The following PCDHA7 variants were observed in gnomAD, a reference collection of about 807,000 sequenced individuals.
PCDHA7 encodes the protein protocadherin alpha 7.
Under a neutral mutation model 57.2 loss-of-function variants are expected in PCDHA7, and 37 were observed. That is an observed-to-expected ratio of 0.65 (90% CI 0.50 to 0.85). The LOEUF (loss-of-function observed/expected upper bound fraction) is 0.85. Ranked by LOEUF, PCDHA7 falls within the 40% of genes least tolerant of loss-of-function variation. The pLI is 0.00. For synonymous variants in PCDHA7, 553 were observed against 558.8 expected (o/e 0.99, Z 0.15); for missense variants, 1,188 against 1,241.8 (o/e 0.96, Z 0.65).
chr5:140,897,722 T>A (rs1236534951), intron 1 of PCDHA7, among the ~76,000 whole-genome samples: 1 of 152,162 alleles, frequency 6.6e-6, no homozygotes, highest in African/African-American at 2.4e-5. Flanking sequence ...GATGGCTGGG[T>A]CAAATAGTAT....
intron 1 of PCDHA7, chr5:140,850,022 A>C: frequency 6.3e-7 from 1 of 1,596,794 alleles, no homozygotes; most frequent in Admixed American, 1.7e-5. Context: ...GCTACGTGTC[A>C]GTGCACGCGG....
chr5:140,957,407 A>G lies in PCDHA7; in HGVS notation c.2356-21542A>G, dbSNP rs570373783. On this transcript the variant is annotated intron_variant, in intron 1 of 3. Coordinates refer to ENST00000525929, the MANE Select transcript of PCDHA7 (RefSeq NM_018910.3). ...GTTATAATTGTCCTAATTTATTATT[A>G]TTGTTGTTAATCTTTTACTGTGCCT... Among the ~76,000 whole-genome samples, 13 of 152,274 alleles carry G rather than the reference A, an allele frequency of 8.5e-5. No homozygotes were observed. The South Asian group carries it at 2.7e-3, about 32-fold the overall frequency.
chr5:140,931,161 C>G (rs1214685588), intron 1 of PCDHA7, among the ~76,000 whole-genome samples: 5 of 152,132 alleles, frequency 3.3e-5, no homozygotes, highest in African/African-American at 1.2e-4. Flanking sequence ...AATAGAATCT[C>G]AGTTAATTTT....
Position 140,836,076 on chromosome 5 carries a change from C to A in PCDHA7, c.1693C>A (p.Leu565Met), listed in dbSNP as rs1387042597. The change falls in exon 1 of 4, where the codon CTG becomes ATG. Residue 565 changes from leucine (L) to methionine (M), a missense_variant. Coordinates refer to ENST00000525929, the MANE Select transcript of PCDHA7 (RefSeq NM_018910.3). ...GGACGAGAACGACAACGCGCCGGCA[C>A]TGCTGGCGCCTCGGGTGGGTGGCAC... ...VLDENDNAPA[L>M]LAPRVGGTGG... 9 of 1,613,592 alleles carry A rather than the reference C, an allele frequency of 5.6e-6. No individual in the cohort carries two copies. The highest frequency in any genetic ancestry group is 7.6e-6 in the Non-Finnish European group (9 of 1,179,790).
intron 1 of PCDHA7, among the ~76,000 whole-genome samples, chr5:140,964,683 G>T (rs2095848322): frequency 6.6e-6 from 1 of 151,914 alleles, no homozygotes; most frequent in South Asian, 2.1e-4. Flanking sequence ...CACAATTTGT[G>T]CACTTGAGAG....
rs182574783 is a variant in PCDHA7, at chr5:140,952,922, G to A, written c.2356-26027G>A. Among the ~76,000 whole-genome samples the A allele has an allele frequency of 2.3e-3, 351 of 152,216 alleles. 2 individuals carry two copies. Among genetic ancestry groups the A allele is most frequent in the Admixed American group, 5.6e-3 (85 of 15,264 alleles). Reference sequence around the variant, plus strand: ...ATCAAGCTCATCTTACATGGCATGAGCAGGAGCAGGAGCAAGAGAGAGAGA... The same window carrying A: ...ATCAAGCTCATCTTACATGGCATGAACAGGAGCAGGAGCAAGAGAGAGAGA... On this transcript the variant is annotated intron_variant, in intron 1 of 3. Transcript: ENST00000525929.
intron 1 of PCDHA7, chr5:140,851,016 A>T: frequency 7.0e-7 from 1 of 1,434,004 alleles, no homozygotes; most frequent in East Asian, 2.4e-5. Flanking sequence ...TTTTTTTCTG[A>T]TAAAGTAAAC....
intron 1 of PCDHA7, among the ~76,000 whole-genome samples, chr5:140,874,080 C>A (rs2054679872): frequency 6.6e-6 from 1 of 152,142 alleles, no homozygotes; most frequent in South Asian, 2.1e-4. Flanking sequence ...CTGATGACAT[C>A]AAAATTCAAA....
chr5:140,883,320 C>T, intron 1 of PCDHA7: 1 of 1,614,112 alleles, frequency 6.2e-7, no homozygotes, highest in Non-Finnish European at 8.5e-7. Flanking sequence ...CCAGAGGTTA[C>T]CATCACTTCT....
intron 1 of PCDHA7, chr5:140,926,622 G>A: frequency 2.5e-6 from 1 of 396,424 alleles, no homozygotes. Context: ...CCCCTAGGCG[G>A]CGCTGCGCTC....
chr5:140,947,100 T>C (rs782585215), intron 1 of PCDHA7, among the ~76,000 whole-genome samples: 16 of 151,438 alleles, frequency 1.1e-4, no homozygotes, highest in Non-Finnish European at 2.1e-4. Context: ...AGCCCATAAA[T>C]AGGTACGTGT....
chr5:140,958,422 C>A (rs1436234763), intron 1 of PCDHA7, among the ~76,000 whole-genome samples: 1 of 152,120 alleles, frequency 6.6e-6, no homozygotes, highest in African/African-American at 2.4e-5. Context: ...TGGAAAGAAG[C>A]ACTTTTTATA....
intron 1 of PCDHA7, among the ~76,000 whole-genome samples, chr5:140,957,527 T>C (rs1441282290): frequency 6.6e-6 from 1 of 152,138 alleles, no homozygotes; most frequent in African/African-American, 2.4e-5. Context: ...AGACATTCAG[T>C]GGGGATCTTA....
At chr5:140,901,033 T>C (rs2153472378) in intron 1 of PCDHA7, among the ~76,000 whole-genome samples, 1 of 152,364 alleles carries the variant, frequency 6.6e-6, no homozygotes, top group South Asian at 2.1e-4. Flanking sequence ...TTCAACTCTT[T>C]TGCCCATTTT....
chr5:140,927,071 G>A lies in PCDHA7; in HGVS notation c.2356-51878G>A. 3 of 1,611,088 alleles carry A rather than the reference G, an allele frequency of 1.9e-6. No homozygotes were observed. The highest frequency in any genetic ancestry group is 2.5e-6 in the Non-Finnish European group (3 of 1,177,862). On this transcript the variant is annotated intron_variant, in intron 1 of 3. Transcript: ENST00000525929. ...TCGCGGAACTTTCGCTTCCTTTCCAGCCACCGCGAGCTCTACTTCGGGGTG... is the reference window on the plus strand; with the variant it reads ...TCGCGGAACTTTCGCTTCCTTTCCAACCACCGCGAGCTCTACTTCGGGGTG...
rs2044359336 is a variant in PCDHA7 at position 140,857,099 on chromosome 5, G to A, written c.2355+20361G>A. On this transcript the variant is annotated intron_variant, in intron 1 of 3. Transcript: ENST00000525929. ...AAATGATAATTCACCTGAGGTGATT[G>A]TCACTTCTCTGTCTCTCCCAGTGAA... 2 of 1,597,238 alleles carry A rather than the reference G, an allele frequency of 1.3e-6. No homozygotes were observed. The highest frequency in any genetic ancestry group is 3.4e-5 in the Admixed American group (2 of 59,246).
At chr5:140,850,300 G>T in intron 1 of PCDHA7, 2 of 1,596,680 alleles carry the variant, frequency 1.3e-6, no homozygotes, top group Non-Finnish European at 1.7e-6. Context: ...GCCGACTCGG[G>T]CTACAACGCG....
At chr5:140,926,620 C>G in intron 1 of PCDHA7, 1 of 385,534 alleles carries the variant, frequency 2.6e-6, no homozygotes, top group Admixed American at 4.4e-5. Context: ...CACCCCTAGG[C>G]GGCGCTGCGC....
intron 1 of PCDHA7, among the ~76,000 whole-genome samples, chr5:140,844,595 AT>A (rs1205514835): frequency 1.2e-4 from 18 of 149,668 alleles, no homozygotes; most frequent in Middle Eastern, 3.5e-3. Context: ...GATATTTAAT[AT>A]ATGACTTAGA....
Sources: gnomAD v4.1 joint callset for allele counts (sites outside exome capture counted in the v4.1 genomes callset) on GRCh38, gnomAD v4.1.1 for gene constraint, MANE v1.5 for transcripts, NCBI Gene and HGNC (gene_info 2026-07-23, HGNC 2026-07-21) for gene names.